Variants in ZNF723 observed in about 807,000 individuals in gnomAD.
ZNF723 encodes zinc finger protein 723, pseudogene.
ZNF723 carries 5 observed loss-of-function variants against 9.4 expected under a neutral mutation model. That is an observed-to-expected ratio of 0.53 (90% confidence interval 0.28 to 1.12). The LOEUF (loss-of-function observed/expected upper bound fraction) is 1.12, where lower values mean the gene tolerates loss of function less well. Among genes scored for constraint, ZNF723 ranks in the 50% most tolerant of loss-of-function variants. The pLI is 0.10. For synonymous variants in ZNF723, 158 were observed against 168.8 expected (o/e 0.94, Z 0.49); for missense variants, 450 against 501.5 (o/e 0.90, Z 0.98).
chr19:22,828,440 G>T (rs1967060177), upstream of ZNF723, among the ~76,000 whole-genome samples: 1 of 152,212 alleles, frequency 6.6e-6, no homozygotes, highest in East Asian at 1.9e-4. Context: ...AGATCACAAG[G>T]TCAGGAGATG....
chr19:22,842,147 G>A (rs1374558195), intron 1 of ZNF723, among the ~76,000 whole-genome samples: 1 of 152,156 alleles, frequency 6.6e-6, no homozygotes, highest in African/African-American at 2.4e-5. Flanking sequence ...TGGGATTACA[G>A]GCATGTGCCA....
chr19:22,816,889 T>C, the ZNF723 span, among the ~76,000 whole-genome samples: 3 of 152,352 alleles, frequency 2.0e-5, no homozygotes, highest in East Asian at 5.8e-4. Flanking sequence ...TATCTTTGGG[T>C]CCCTCACATG....
At chr19:22,846,774 A>ACTGATGTT (rs1967314588) in intron 1 of ZNF723, among the ~76,000 whole-genome samples, 1 of 146,592 alleles carries the variant, frequency 6.8e-6, no homozygotes, top group Admixed American at 6.8e-5. Context: ...TTTGCATAAA[A>ACTGATGTT]CTGATGTTTC....
chr19:22,843,665 A>T (rs1472498744), intron 1 of ZNF723, among the ~76,000 whole-genome samples: 2 of 152,102 alleles, frequency 1.3e-5, no homozygotes, highest in Non-Finnish European at 2.9e-5. Context: ...ATTTGCCTTT[A>T]TTTGGGCCCC....
chr19:22,825,924 T>TA, the ZNF723 span, among the ~76,000 whole-genome samples: 1 of 152,238 alleles, frequency 6.6e-6, no homozygotes, highest in African/African-American at 2.4e-5. Context: ...GCCCTGCTTA[T>TA]AGAGCAAATT....
Position 22,836,871 on chromosome 19 carries a change from G to A in ZNF723, c.3+4489G>A, listed in dbSNP as rs117338711. Among the ~76,000 whole-genome samples the A allele has an allele frequency of 6.1e-3, 924 of 152,210 alleles. 4 individuals carry two copies. The highest frequency in any genetic ancestry group is 0.011 in the Non-Finnish European group (728 of 68,000). On this transcript the variant is annotated intron_variant, in intron 1 of 3. Coordinates refer to ENST00000600766, the MANE Select transcript of ZNF723 (RefSeq NM_001349726.2). Reference sequence around the variant, plus strand: ...ATCTTTCTTCCATTTGACATTTCCTGGGTTGTATCTTTTATTATAAACTGG... The same window carrying A: ...ATCTTTCTTCCATTTGACATTTCCTAGGTTGTATCTTTTATTATAAACTGG...
chr19:22,824,115 C>T, the ZNF723 span, among the ~76,000 whole-genome samples: 1 of 152,202 alleles, frequency 6.6e-6, no homozygotes, highest in African/African-American at 2.4e-5. Context: ...TTGTGACTCA[C>T]TTCTTTTGCT....
chr19:22,843,705 C>G (rs79937901), intron 1 of ZNF723, among the ~76,000 whole-genome samples: 1,568 of 152,194 alleles, frequency 0.01, 28 homozygotes, highest in African/African-American at 0.036. Flanking sequence ...CTTCTTATGT[C>G]ATCACCTGAA....
intron 2 of ZNF723, 75 bp from the exon 3 acceptor site, chr19:22,849,123 A>G (rs773349710): frequency 2.1e-6 from 1 of 470,384 alleles, no homozygotes; most frequent in Non-Finnish European, 3.9e-6. Context: ...AGAATATTCT[A>G]TTATGTTCTC....
chr19:22,826,972 T>A, the ZNF723 span, among the ~76,000 whole-genome samples: 3 of 152,202 alleles, frequency 2.0e-5, no homozygotes, highest in African/African-American at 7.2e-5. Context: ...ACTTCATAAG[T>A]CAAAAATAAC....
At chr19:22,856,764 C>T (rs1967485616) in intron 3 of ZNF723, among the ~76,000 whole-genome samples, 2 of 152,138 alleles carry the variant, frequency 1.3e-5, no homozygotes, top group Admixed American at 1.3e-4. Flanking sequence ...GATGTATGTG[C>T]CAGTATTTTA....
At position 22,857,607 on chromosome 19, in the gene ZNF723, A is replaced by C. The variant is rs12977616; in HGVS notation, c.716A>C (p.Asn239Thr). ...YKCEECGKAF[N>T]VSSSLNNHKR... The stretch of plus-strand genomic sequence containing the variant: ...TGTGAAGAATGTGGCAAAGCCTTTA[A>C]TGTGTCCTCAAGCCTTAATAATCAT... The change falls in exon 4 of 4, where the codon AAT becomes ACT. Residue 239 changes from asparagine (N) to threonine (T), a missense_variant. Coordinates refer to ENST00000600766, the MANE Select transcript of ZNF723 (RefSeq NM_001349726.2). 7.6e-6 allele frequency: 10 copies of C among 1,314,844 alleles called. No individual in the cohort carries two copies. Among genetic ancestry groups the C allele is most frequent in the Admixed American group, 5.0e-5 (3 of 59,540 alleles). 81.4% of individuals were successfully genotyped at this position (1,314,844 alleles called of 1,614,324 possible). A position where few individuals can be genotyped will look rare whatever the true frequency, so the allele number is the denominator to read the frequency against.
intron 1 of ZNF723, among the ~76,000 whole-genome samples, chr19:22,837,099 C>T (rs1334256590): frequency 1.3e-5 from 2 of 151,800 alleles, no homozygotes; most frequent in Non-Finnish European, 2.9e-5. Flanking sequence ...TCAAGACGAG[C>T]CTGGCCAACA....
the ZNF723 span, among the ~76,000 whole-genome samples, chr19:22,822,790 A>T: frequency 5.3e-5 from 8 of 152,154 alleles, no homozygotes; most frequent in Non-Finnish European, 1.5e-5. Flanking sequence ...TGAACCTGGG[A>T]GGCAAAGCTT....
intron 1 of ZNF723, among the ~76,000 whole-genome samples, chr19:22,836,144 A>C (rs569004177): frequency 5.3e-5 from 8 of 152,262 alleles, no homozygotes; most frequent in African/African-American, 1.9e-4. Context: ...TATTAAAGGC[A>C]CCGTTAGTTC....
chr19:22,833,169 T>C (rs1967119007), intron 1 of ZNF723, among the ~76,000 whole-genome samples: 1 of 152,218 alleles, frequency 6.6e-6, no homozygotes, highest in Non-Finnish European at 1.5e-5. Context: ...TTTTCTTTTT[T>C]TGAGACGGAA....
intron 1 of ZNF723, among the ~76,000 whole-genome samples, chr19:22,847,865 C>T (rs1381160903): frequency 6.6e-6 from 1 of 151,974 alleles, no homozygotes; most frequent in Non-Finnish European, 1.5e-5. Context: ...CTTTGGGAGG[C>T]CAAGGCGGAT....
In ZNF723 at chr19:22,858,283, A is replaced by G. The variant is rs1267740148; in HGVS notation, c.1392A>G (p.Gln464=). 18 of 1,245,634 alleles carry G rather than the reference A, an allele frequency of 1.4e-5. No individual in the cohort carries two copies. The highest frequency in any genetic ancestry group is 2.1e-5 in the Non-Finnish European group (18 of 849,094). 77.2% of individuals were successfully genotyped at this position (1,245,634 alleles called of 1,614,324 possible). ...AAGAATGTGGCAAAGCTTTTAACCA[A>G]TATTCAACCCTTAATAAACATAAGA... ...KCEECGKAFN[Q]YSTLNKHKII... Residue 464 remains glutamine, a synonymous_variant, in exon 4 of 4, where the codon CAA becomes CAG. Coordinates refer to ENST00000600766, the MANE Select transcript of ZNF723 (RefSeq NM_001349726.2).
upstream of ZNF723, among the ~76,000 whole-genome samples, chr19:22,827,425 ATT>A (rs36145762): frequency 5.4e-3 from 712 of 131,632 alleles, 10 homozygotes; most frequent in South Asian, 0.012. Context: ...GGTTTCAACT[ATT>A]TTTTTTTTTT....
Sources: gnomAD v4.1 joint callset for allele counts (sites outside exome capture counted in the v4.1 genomes callset) on GRCh38, gnomAD v4.1.1 for gene constraint, MANE v1.5 for transcripts, NCBI Gene and HGNC (gene_info 2026-07-23, HGNC 2026-07-21) for gene names.